Variants in MAP4K2 observed in about 807,000 individuals in gnomAD.
The protein encoded by MAP4K2 is mitogen-activated protein kinase kinase kinase kinase 2.
A neutral mutation model predicts 125.3 loss-of-function variants in MAP4K2; 85 were observed. The ratio of observed to expected loss-of-function variants is 0.68; its 90% confidence interval spans 0.57 to 0.81. MAP4K2 has a LOEUF of 0.81. MAP4K2 is among the 40% of genes least tolerant of loss of function. The pLI is 0.00. For missense variants in MAP4K2, 923 were observed against 1,056.4 expected, an observed-to-expected ratio of 0.87 and a Z score of 1.75; for synonymous variants, 479 against 445.1, an observed-to-expected ratio of 1.08 and a Z score of -0.96.
In MAP4K2 at chr11:64,787,520, T is replaced by C. The variant is rs1020661008; in HGVS notation, c.*2017A>G. On this transcript the variant is annotated 3_prime_UTR_variant, in exon 32 of 32. Transcript: ENST00000294066. ...GAGGGAGACTTCATTATATCTCTGC[T>C]GTATTTAAAAAAATATGTACCATGG... The C allele has an allele frequency of 2.0e-5, 3 of 152,232 alleles. No individual in the cohort carries two copies. Among genetic ancestry groups the C allele is most frequent in the Non-Finnish European group, 4.4e-5 (3 of 68,040 alleles). The allele number at this position is 152,232 out of a possible 1,614,324, so 9.4% of individuals were successfully genotyped here. A position where few individuals can be genotyped will look rare whatever the true frequency, so the allele number is the denominator to read the frequency against.
chr11:64,792,953 A>T lies in MAP4K2; in HGVS notation c.1752-531T>A, dbSNP rs142976452. On this transcript the variant is annotated intron_variant, in intron 24 of 31. Coordinates refer to ENST00000294066, the MANE Select transcript of MAP4K2 (RefSeq NM_004579.5). ...GAAATGATGCCAGGTGCAACGGCTC[A>T]CGCCTGTAATCCCAGCACTCTGGGA... Among the ~76,000 whole-genome samples, 653 of 152,336 alleles carry T rather than the reference A, an allele frequency of 4.3e-3. 4 individuals are homozygous for T. Among genetic ancestry groups the T allele is most frequent in the African/African-American group, 0.015 (612 of 41,578 alleles).
chr11:64,800,472 C>T (rs571200902), intron 10 of MAP4K2, 80 bp from the exon 11 acceptor site: 2 of 1,489,122 alleles, frequency 1.3e-6, no homozygotes, highest in African/African-American at 1.4e-5. Context: ...CCTACCACCC[C>T]TCCAGAGGCG....
chr11:64,800,874 A>G, intron 9 of MAP4K2, 26 bp downstream of exon 9: 1 of 1,613,946 alleles, frequency 6.2e-7, no homozygotes, highest in East Asian at 2.2e-5. Context: ...ATCAAGGGTC[A>G]GGTGAGGGGC....
In MAP4K2 at chr11:64,790,458, C is replaced by A; in HGVS notation, c.2097G>T (p.Gly699=). 1.2e-6 allele frequency: 2 copies of A among 1,613,922 alleles called. No homozygotes were observed. The highest frequency in any genetic ancestry group is 1.7e-6 in the Non-Finnish European group (2 of 1,179,982). The stretch of plus-strand genomic sequence containing the variant: ...TCACCTGCTGGGCCGAGCCTGGGAT[C>A]CCCTCTGCAGGCAGAGAAGAGAGAC... ...LTPDILIPPE[G]IPGSAQQVIQ... The change falls in exon 28 of 32, where the codon GGG becomes GGT. Residue 699 remains glycine, a synonymous_variant. Transcript: ENST00000294066.
chr11:64,797,188 G>C lies in MAP4K2; in HGVS notation c.1281C>G (p.Thr427=), dbSNP rs151326506. The C allele has an allele frequency of 1.5e-5, 24 of 1,613,308 alleles. No homozygotes were observed. The highest frequency in any genetic ancestry group is 1.7e-5 in the Non-Finnish European group (20 of 1,179,734). ...AEEPLSSPPG[T]LPPPPSGPNS... ...TGGGGCCTGAAGGAGGTGGGGGCAG[G>C]GTTCCTGCAGGCACAGGCGTGCTGT... The change falls in exon 19 of 32, where the codon ACC becomes ACG. Residue 427 remains threonine, a synonymous_variant. Transcript: ENST00000294066.
rs1322888713 is a variant in MAP4K2 at position 64,788,711 on chromosome 11, G to C, written c.*826C>G. 1 of 152,272 alleles carries C rather than the reference G, an allele frequency of 6.6e-6. No individual in the cohort carries two copies. The highest frequency in any genetic ancestry group is 1.5e-5 in the Non-Finnish European group (1 of 68,066). The allele number at this position is 152,272 out of a possible 1,614,324, so 9.4% of individuals were successfully genotyped here. On this transcript the variant is annotated 3_prime_UTR_variant, in exon 32 of 32. Transcript: ENST00000294066. Reference sequence around the variant, plus strand: ...AACACCTAGGCAGTAGGTGGAGGCAGGGGATACAGGTCACACAGGCTACCT... The same window carrying C: ...AACACCTAGGCAGTAGGTGGAGGCACGGGATACAGGTCACACAGGCTACCT...
intron 4 of MAP4K2, 60 bp from the exon 5 acceptor site, chr11:64,802,181 C>A (rs1165228509): frequency 1.1e-5 from 16 of 1,489,600 alleles, no homozygotes; most frequent in Non-Finnish European, 1.5e-5. Context: ...CCCTCCCAGG[C>A]TACCGTGTGT....
At position 64,797,488 on chromosome 11, in the gene MAP4K2, C is replaced by A; in HGVS notation, c.1170+13G>T. 1 of 1,562,042 alleles carries A rather than the reference C, an allele frequency of 6.4e-7. No homozygotes were observed. The highest frequency in any genetic ancestry group is 8.7e-7 in the Non-Finnish European group (1 of 1,152,478). ...GGCCTGGATCCCAGCTCCAGCCTCCCTCTGTGTGGCACCTGGAATTCTGAG... is the reference window on the plus strand; with the variant it reads ...GGCCTGGATCCCAGCTCCAGCCTCCATCTGTGTGGCACCTGGAATTCTGAG... On this transcript the variant is annotated intron_variant, in intron 17 of 31. Transcript: ENST00000294066.
chr11:64,799,788 C>T lies in MAP4K2; in HGVS notation c.916-105G>A, dbSNP rs1941051191. On this transcript the variant is annotated intron_variant, in intron 12 of 31. Coordinates refer to ENST00000294066, the MANE Select transcript of MAP4K2 (RefSeq NM_004579.5). ...AGTGCGTTTTGCTTTCATGACAGCC[C>T]TCTGGGACTACTGTAAAATAAAATG... 4.7e-6 allele frequency: 4 copies of T among 847,268 alleles called. No homozygotes were observed. The South Asian group carries it at 6.0e-5, about 13-fold the overall frequency. 52.5% of individuals were successfully genotyped at this position (847,268 alleles called of 1,614,324 possible). A position where few individuals can be genotyped will look rare whatever the true frequency, so the allele number is the denominator to read the frequency against.
rs1305784189 is a variant in MAP4K2 at position 64,789,920 on chromosome 11, C to T, written c.2288G>A (p.Gly763Glu). ...GGTATCCAGGCTTCGGCCTTGCATCCCATGGCTCCAGAAGGCCAGCACACT... is the reference window on the plus strand; with the variant it reads ...GGTATCCAGGCTTCGGCCTTGCATCTCATGGCTCCAGAAGGCCAGCACACT... ...QDSVLAFWSH[G>E]MQGRSLDTNE... Residue 763 changes from glycine (G) to glutamate (E), a missense_variant, in exon 30 of 32, where the codon GGG becomes GAG. Physicochemically the swap from Gly to Glu is moderately conservative, Grantham distance 98. Coordinates refer to ENST00000294066, the MANE Select transcript of MAP4K2 (RefSeq NM_004579.5). The T allele has an allele frequency of 1.9e-6, 3 of 1,613,832 alleles. No homozygotes were observed. The highest frequency in any genetic ancestry group is 2.5e-6 in the Non-Finnish European group (3 of 1,179,986).
rs527369447 is a variant in MAP4K2 at position 64,788,256 on chromosome 11, G to C, written c.*1281C>G. 6.6e-6 allele frequency: 1 copy of C among 152,594 alleles called. No individual in the cohort carries two copies. Among genetic ancestry groups the C allele is most frequent in the East Asian group, 1.9e-4 (1 of 5,202 alleles). The allele number at this position is 152,594 out of a possible 1,614,324, so 9.5% of individuals were successfully genotyped here. A position where few individuals can be genotyped will look rare whatever the true frequency, so the allele number is the denominator to read the frequency against. ...TCCTCCAACACCTGCCTTGAATGTAGGGGTGACCATGGGGCCTTTGCTCCA... is the reference window on the plus strand; with the variant it reads ...TCCTCCAACACCTGCCTTGAATGTACGGGTGACCATGGGGCCTTTGCTCCA... On this transcript the variant is annotated 3_prime_UTR_variant, in exon 32 of 32. Transcript: ENST00000294066.
chr11:64,800,233 G>C lies in MAP4K2; in HGVS notation c.808-17C>G. On this transcript the variant is annotated splice_polypyrimidine_tract_variant and intron_variant, in intron 11 of 31. Coordinates refer to ENST00000294066, the MANE Select transcript of MAP4K2 (RefSeq NM_004579.5). ...GAACGGGTGCTGGAAAGTGGGGGAG[G>C]GGGGTGATCAGGTTGGCCCCTGATC... is the stretch of plus-strand genomic sequence containing the variant. 1.9e-6 allele frequency: 3 copies of C among 1,612,412 alleles called. No homozygotes were observed. The highest frequency in any genetic ancestry group is 2.5e-6 in the Non-Finnish European group (3 of 1,179,618).
intron 8 of MAP4K2, 31 bp downstream of exon 8, chr11:64,801,080 C>T (rs758044166): frequency 4.3e-6 from 7 of 1,613,506 alleles, no homozygotes; most frequent in Non-Finnish European, 5.9e-6. Flanking sequence ...GCTCTGTGGC[C>T]CCTACCCCTC....
intron 7 of MAP4K2, 31 bp from the exon 8 acceptor site, chr11:64,801,214 CCT>C: frequency 6.2e-7 from 1 of 1,604,448 alleles, no homozygotes; most frequent in African/African-American, 1.3e-5. Context: ...TCTCACCAGC[CCT>C]CTGGCTGCCA....
chr11:64,792,331 G>GCCCTGGGCCCCCCC, intron 25 of MAP4K2, 33 bp downstream of exon 25: 1 of 1,535,444 alleles, frequency 6.5e-7, no homozygotes, highest in Non-Finnish European at 8.9e-7. Context: ...CCCCCACCAG[G>GCCCTGGGCCCCCCC]CCCCGCCCCA....
In MAP4K2 at chr11:64,792,349, C is replaced by CCCCCCCCCAAAAAA; in HGVS notation, c.1810+14_1810+15insTTTTTTGGGGGGGG. 6.5e-7 allele frequency: 1 copy of CCCCCCCCCAAAAAA among 1,545,304 alleles called. No individual in the cohort carries two copies. Among genetic ancestry groups the CCCCCCCCCAAAAAA allele is most frequent in the Non-Finnish European group, 8.8e-7 (1 of 1,138,624 alleles). On this transcript the variant is annotated intron_variant, in intron 25 of 31. Transcript: ENST00000294066. ...CCACCAGGCCCCGCCCCACCCCGCC[C>CCCCCCCCCAAAAAA]AGCCCATTTCTTACCCACACGACAC...
intron 10 of MAP4K2, 120 bp from the exon 11 acceptor site, chr11:64,800,512 C>A (rs911225180): frequency 4.9e-6 from 6 of 1,233,844 alleles, no homozygotes; most frequent in Non-Finnish European, 6.8e-6. Flanking sequence ...AAGGAGCCAG[C>A]CGAGGCCAAG....
In MAP4K2 at chr11:64,796,384, G is replaced by C; in HGVS notation, c.1640C>G (p.Ser547Cys). 1 of 1,608,364 alleles carries C rather than the reference G, an allele frequency of 6.2e-7. No individual in the cohort carries two copies. The change falls in exon 24 of 32, where the codon TCC (serine) becomes TGC (cysteine). Residue 547 changes from serine (S) to cysteine (C), a missense_variant. Physicochemically the swap from Ser to Cys is moderately radical, Grantham distance 112. Coordinates refer to ENST00000294066, the MANE Select transcript of MAP4K2 (RefSeq NM_004579.5). ...GAGGTCATGGGCCCAGATGTGCGTG[G>C]ATTTCCCTGCAGAAACAGGAAGAGG... ...NNVLLSLSGK[S>C]THIWAHDLPG... is the part of the protein sequence containing the mutation.
intron 4 of MAP4K2, 119 bp from the exon 5 acceptor site, chr11:64,802,240 C>A: frequency 9.1e-7 from 1 of 1,096,130 alleles, no homozygotes; most frequent in Non-Finnish European, 1.4e-6. Flanking sequence ...GGCCACGTCC[C>A]CTCCCAGTTT....
Sources: gnomAD v4.1 joint callset for allele counts (sites outside exome capture counted in the v4.1 genomes callset) on GRCh38, gnomAD v4.1.1 for gene constraint, MANE v1.5 for transcripts, NCBI Gene and HGNC (gene_info 2026-07-23, HGNC 2026-07-21) for gene names.